The following SGMS1 variants were observed in gnomAD, a reference collection of about 807,000 sequenced individuals.
SGMS1 encodes sphingomyelin synthase 1, also known as phosphatidylcholine:ceramide cholinephosphotransferase 1.
In SGMS1, 13 loss-of-function variants were observed where a neutral mutation model predicts 46.2. The ratio of observed to expected loss-of-function variants is 0.28; its 90% CI spans 0.18 to 0.45. The LOEUF (loss-of-function observed/expected upper bound fraction) is 0.45, where lower values mean the gene tolerates loss of function less well. SGMS1 is among the 20% of genes least tolerant of loss of function. SGMS1 has a pLI of 1.00. For missense variants in SGMS1, 324 were observed against 519.9 expected (o/e 0.62, Z 3.66); for synonymous variants, 203 against 187.8 (o/e 1.08, Z -0.66).
chr10:50,621,035 GC>G (rs1259577228), intron 1 of SGMS1, among the ~76,000 whole-genome samples: 3 of 152,102 alleles, frequency 2.0e-5, no homozygotes, highest in African/African-American at 7.2e-5. Flanking sequence ...AAGTAGCTGG[GC>G]TTAGTGGTGC....
At chr10:50,404,180 T>C (rs1024326395) in intron 6 of SGMS1, among the ~76,000 whole-genome samples, 2 of 152,150 alleles carry the variant, frequency 1.3e-5, no homozygotes, top group Non-Finnish European at 2.9e-5. Context: ...ACAATGGACC[T>C]ATGAAAAGAT....
chr10:50,384,957 C>G (rs1374993026), intron 6 of SGMS1, among the ~76,000 whole-genome samples: 3 of 152,094 alleles, frequency 2.0e-5, no homozygotes, highest in Non-Finnish European at 4.4e-5. Flanking sequence ...CTCTAATAGC[C>G]TTTTCTCTGT....
chr10:50,333,897 A>G (rs1847669154), intron 7 of SGMS1, among the ~76,000 whole-genome samples: 1 of 152,178 alleles, frequency 6.6e-6, no homozygotes, highest in South Asian at 2.1e-4. Flanking sequence ...ACTCAAACAA[A>G]ATTCACACCT....
intron 6 of SGMS1, among the ~76,000 whole-genome samples, chr10:50,416,902 C>A (rs1849177892): frequency 6.7e-6 from 1 of 149,866 alleles, no homozygotes; most frequent in African/African-American, 2.5e-5. Flanking sequence ...AAAAAGCCAG[C>A]TGCAAAGAAT....
At chr10:50,589,642 T>C (rs1564439177) in intron 2 of SGMS1, among the ~76,000 whole-genome samples, 1 of 151,952 alleles carries the variant, frequency 6.6e-6, no homozygotes, top group Admixed American at 6.6e-5. Flanking sequence ...GCTAATTTTT[T>C]TTGTATTTTT....
At chr10:50,606,791 T>A (rs1037990077) in intron 1 of SGMS1, among the ~76,000 whole-genome samples, 1 of 152,174 alleles carries the variant, frequency 6.6e-6, no homozygotes, top group Non-Finnish European at 1.5e-5. Flanking sequence ...GGCATTATAT[T>A]TGAATATCTG....
chr10:50,613,639 C>G (rs752526290), intron 1 of SGMS1, among the ~76,000 whole-genome samples: 1 of 152,166 alleles, frequency 6.6e-6, no homozygotes, highest in Non-Finnish European at 1.5e-5. Flanking sequence ...GTCCTGATAA[C>G]TAGCACAGAG....
chr10:50,619,396 A>C (rs1480503637), intron 1 of SGMS1, among the ~76,000 whole-genome samples: 6 of 152,242 alleles, frequency 3.9e-5, no homozygotes, highest in African/African-American at 1.4e-4. Context: ...AATGTTGAAT[A>C]AAAAAAGAAT....
intron 2 of SGMS1, among the ~76,000 whole-genome samples, chr10:50,529,312 T>C (rs1157385816): frequency 6.6e-6 from 1 of 152,232 alleles, no homozygotes; most frequent in Non-Finnish European, 1.5e-5. Context: ...CTGCCTCTAA[T>C]ACTTCCAGAC....
At chr10:50,534,207 G>C (rs1447796472) in intron 2 of SGMS1, among the ~76,000 whole-genome samples, 1 of 152,088 alleles carries the variant, frequency 6.6e-6, no homozygotes, top group Non-Finnish European at 1.5e-5. Flanking sequence ...GGATGGAAAG[G>C]GAAAGAGAGA....
chr10:50,337,602 T>C (rs1231609766), intron 7 of SGMS1, among the ~76,000 whole-genome samples: 1 of 152,136 alleles, frequency 6.6e-6, no homozygotes, highest in Non-Finnish European at 1.5e-5. Flanking sequence ...TTTGATTCAA[T>C]CAACTTAATG....
rs143855538 is a variant in SGMS1, at chr10:50,471,370, A to G, written c.-497-4438T>C. 3.6e-3 allele frequency among the ~76,000 whole-genome samples: 549 copies of G among 152,306 alleles called. 4 individuals carry two copies. Among genetic ancestry groups the G allele is most frequent in the Non-Finnish European group, 6.9e-3 (468 of 68,028 alleles). On this transcript the variant is annotated intron_variant, in intron 3 of 10. Coordinates refer to ENST00000361781, the MANE Select transcript of SGMS1 (RefSeq NM_147156.4). The stretch of plus-strand genomic sequence containing the variant: ...TTTAGCAAGGAGAAAAAAACCACGT[A>G]AATCAGTATTTACATTTCTATGTGG...
At chr10:50,441,730 C>G (rs192228469) in intron 5 of SGMS1, among the ~76,000 whole-genome samples, 1 of 152,338 alleles carries the variant, frequency 6.6e-6, no homozygotes, top group Non-Finnish European at 1.5e-5. Flanking sequence ...ACACAGATAA[C>G]CTTTTCTATT....
intron 4 of SGMS1, among the ~76,000 whole-genome samples, chr10:50,463,547 G>A (rs904657631): frequency 6.6e-6 from 1 of 152,218 alleles, no homozygotes; most frequent in Non-Finnish European, 1.5e-5. Flanking sequence ...ATGTGGAGAA[G>A]TTGATCGGAA....
chr10:50,441,082 G>A (rs1372163193), intron 5 of SGMS1, among the ~76,000 whole-genome samples: 2 of 152,230 alleles, frequency 1.3e-5, no homozygotes, highest in Non-Finnish European at 2.9e-5. Context: ...TGCATGCAAT[G>A]CATCCAGTCG....
intron 2 of SGMS1, among the ~76,000 whole-genome samples, chr10:50,537,160 G>T (rs1181900128): frequency 6.6e-6 from 1 of 152,166 alleles, no homozygotes; most frequent in African/African-American, 2.4e-5. Flanking sequence ...ACATATCAAT[G>T]CATATCCCAG....
At chr10:50,333,674 T>C (rs1426176621) in intron 7 of SGMS1, among the ~76,000 whole-genome samples, 3 of 152,166 alleles carry the variant, frequency 2.0e-5, no homozygotes, top group African/African-American at 7.2e-5. Context: ...GAAAGGTTAG[T>C]AAAACAAATG....
At chr10:50,558,011 C>T (rs913708588) in intron 2 of SGMS1, among the ~76,000 whole-genome samples, 1 of 152,184 alleles carries the variant, frequency 6.6e-6, no homozygotes, top group African/African-American at 2.4e-5. Context: ...TTTATATAAT[C>T]CTCACAGCTG....
intron 5 of SGMS1, among the ~76,000 whole-genome samples, chr10:50,436,034 A>C (rs763882966): frequency 2.8e-4 from 43 of 152,230 alleles, no homozygotes; most frequent in Admixed American, 1.7e-3. Flanking sequence ...AGTTCAAAGA[A>C]TCAAATTCAT....
Sources: allele counts gnomAD v4.1 joint callset (sites outside exome capture counted in the v4.1 genomes callset), GRCh38; gene constraint gnomAD v4.1.1; transcripts MANE v1.5; gene names NCBI Gene and HGNC (gene_info 2026-07-23, HGNC 2026-07-21).